The following ARHGAP10 variants were observed in gnomAD, a reference collection of about 807,000 sequenced individuals.
The protein encoded by ARHGAP10 is rho GTPase-activating protein 10.
ARHGAP10 carries 87 observed loss-of-function variants against 108.6 expected under a neutral mutation model. The observed-to-expected ratio is 0.80, with a 90% CI of 0.67 to 0.96. The LOEUF is 0.96. Ranked by LOEUF, ARHGAP10 falls within the 40% of genes least tolerant of loss-of-function variation. The pLI is 0.00. For synonymous variants in ARHGAP10, 347 were observed against 341.1 expected (o/e 1.02, Z -0.19); for missense variants, 939 against 954.5 (o/e 0.98, Z 0.21).
chr4:147,833,917 AAGG>A (rs1448217275), intron 3 of ARHGAP10, among the ~76,000 whole-genome samples: 1 of 152,184 alleles, frequency 6.6e-6, no homozygotes, highest in African/African-American at 2.4e-5. Flanking sequence ...CAGATAGAGG[AAGG>A]AGGAGTGACA....
At chr4:147,813,917 T>G (rs1186792394) in intron 1 of ARHGAP10, among the ~76,000 whole-genome samples, 1 of 152,234 alleles carries the variant, frequency 6.6e-6, no homozygotes, top group African/African-American at 2.4e-5. Context: ...CAATTTAAAG[T>G]GATATAAATT....
At chr4:147,896,033 G>A (rs1313943706) in intron 10 of ARHGAP10, among the ~76,000 whole-genome samples, 1 of 152,126 alleles carries the variant, frequency 6.6e-6, no homozygotes, top group Non-Finnish European at 1.5e-5. Flanking sequence ...ACTGAATTTT[G>A]TAAGTTAACC....
At chr4:147,766,448 T>C (rs1232752161) in intron 1 of ARHGAP10, among the ~76,000 whole-genome samples, 2 of 151,948 alleles carry the variant, frequency 1.3e-5, no homozygotes, top group African/African-American at 2.4e-5. Flanking sequence ...AAAGTCAGTA[T>C]GTAAGCAACC....
At chr4:148,061,439 A>G (rs923985387) in intron 20 of ARHGAP10, among the ~76,000 whole-genome samples, 6 of 152,058 alleles carry the variant, frequency 3.9e-5, no homozygotes, top group Non-Finnish European at 8.8e-5. Flanking sequence ...CTGATTAGTA[A>G]GACAACATTC....
Position 147,738,560 on chromosome 4 carries a change from C to CA in ARHGAP10, c.154+6113dup, listed in dbSNP as rs902447610. 1.1e-4 allele frequency among the ~76,000 whole-genome samples: 17 copies of CA among 150,184 alleles called. No individual in the cohort carries two copies. The East Asian group carries it at 1.2e-3, about 10-fold the overall frequency. On this transcript the variant is annotated intron_variant, in intron 1 of 22. Coordinates refer to ENST00000336498, the MANE Select transcript of ARHGAP10 (RefSeq NM_024605.4). Reference sequence around the variant, plus strand: ...TGAGTGAGACTCTGTCTCCCCCCCCCAAAAAAAATTATAATACGACCTACT... The same window carrying CA: ...TGAGTGAGACTCTGTCTCCCCCCCCCAAAAAAAAATTATAATACGACCTACT...
At chr4:147,903,243 C>T (rs1332836271) in intron 10 of ARHGAP10, among the ~76,000 whole-genome samples, 1 of 152,156 alleles carries the variant, frequency 6.6e-6, no homozygotes, top group African/African-American at 2.4e-5. Flanking sequence ...TGCTTTTGGT[C>T]TTCTATGCAC....
chr4:148,038,851 A>T (rs935290866), intron 19 of ARHGAP10, among the ~76,000 whole-genome samples: 1 of 152,168 alleles, frequency 6.6e-6, no homozygotes, highest in African/African-American at 2.4e-5. Flanking sequence ...ATGAATTTTG[A>T]TACAATTGCT....
At chr4:147,802,960 G>A (rs1049670436) in intron 1 of ARHGAP10, among the ~76,000 whole-genome samples, 2 of 151,938 alleles carry the variant, frequency 1.3e-5, no homozygotes, top group African/African-American at 4.8e-5. Context: ...TTTGGGGTCT[G>A]TAAATTCTAT....
intron 1 of ARHGAP10, among the ~76,000 whole-genome samples, chr4:147,792,976 A>G (rs1731174989): frequency 2.0e-5 from 3 of 152,102 alleles, no homozygotes; most frequent in Admixed American, 6.5e-5. Context: ...CGTCTCCACT[A>G]AAAATACAAA....
chr4:147,918,709 G>A (rs1007836937), intron 13 of ARHGAP10, among the ~76,000 whole-genome samples: 4 of 152,210 alleles, frequency 2.6e-5, no homozygotes, highest in Non-Finnish European at 5.9e-5. Context: ...GCCAGTTGGG[G>A]AAATTTAATT....
chr4:147,987,255 A>G (rs1326490121), intron 18 of ARHGAP10, among the ~76,000 whole-genome samples: 1 of 152,246 alleles, frequency 6.6e-6, no homozygotes, highest in Non-Finnish European at 1.5e-5. Flanking sequence ...ACATTAATAC[A>G]TATACTGTTG....
chr4:147,825,314 G>C (rs1048521537), intron 3 of ARHGAP10, among the ~76,000 whole-genome samples: 1 of 152,096 alleles, frequency 6.6e-6, no homozygotes, highest in Non-Finnish European at 1.5e-5. Flanking sequence ...GCTGGGTGTT[G>C]TGGGCACCTG....
intron 1 of ARHGAP10, among the ~76,000 whole-genome samples, chr4:147,772,004 A>G (rs951213841): frequency 6.6e-6 from 1 of 152,092 alleles, no homozygotes; most frequent in African/African-American, 2.4e-5. Flanking sequence ...GTTGGGCAGG[A>G]TGGTCTTGAT....
chr4:148,034,484 ATT>A (rs76525018), intron 19 of ARHGAP10, among the ~76,000 whole-genome samples: 12 of 139,096 alleles, frequency 8.6e-5, no homozygotes, highest in East Asian at 2.1e-4. Flanking sequence ...CTCCCGGCTA[ATT>A]TTTTTTTTTT....
At chr4:148,025,341 T>C (rs1741726653) in intron 19 of ARHGAP10, among the ~76,000 whole-genome samples, 1 of 152,202 alleles carries the variant, frequency 6.6e-6, no homozygotes, top group Non-Finnish European at 1.5e-5. Flanking sequence ...TATAGCTTTA[T>C]ATTCATCCTT....
At chr4:147,854,406 C>T (rs1458701260) in intron 4 of ARHGAP10, among the ~76,000 whole-genome samples, 1 of 152,172 alleles carries the variant, frequency 6.6e-6, no homozygotes, top group African/African-American at 2.4e-5. Context: ...ATCTGGTTTT[C>T]ATTGCCTACC....
chr4:147,768,905 A>G (rs574490961), intron 1 of ARHGAP10, among the ~76,000 whole-genome samples: 3 of 151,906 alleles, frequency 2.0e-5, no homozygotes, highest in Non-Finnish European at 4.4e-5. Flanking sequence ...TACCTGGCTA[A>G]TTTTGTATTT....
At chr4:147,753,483 A>G (rs927901974) in intron 1 of ARHGAP10, among the ~76,000 whole-genome samples, 2 of 150,062 alleles carry the variant, frequency 1.3e-5, no homozygotes, top group Non-Finnish European at 3.0e-5. Context: ...AGCTGGGGCT[A>G]TAGGTGTGCA....
In ARHGAP10 at chr4:147,732,724, C is replaced by T. The variant is rs573671125; in HGVS notation, c.154+269C>T. Among the ~76,000 whole-genome samples, 948 of 152,302 alleles carry T rather than the reference C, an allele frequency of 6.2e-3. 12 individuals are homozygous for T. Among genetic ancestry groups the T allele is most frequent in the African/African-American group, 0.022 (918 of 41,572 alleles). ...CGGGCCCCGCCTGGGCCCCGCCTGGCCCCGGCCGAACACCCCTCGCTGAAT... is the reference window on the plus strand; with the variant it reads ...CGGGCCCCGCCTGGGCCCCGCCTGGTCCCGGCCGAACACCCCTCGCTGAAT... On this transcript the variant is annotated intron_variant, in intron 1 of 22. Coordinates refer to ENST00000336498, the MANE Select transcript of ARHGAP10 (RefSeq NM_024605.4).
Sources: allele counts gnomAD v4.1 joint callset (sites outside exome capture counted in the v4.1 genomes callset), GRCh38; gene constraint gnomAD v4.1.1; transcripts MANE v1.5; gene names NCBI Gene and HGNC (gene_info 2026-07-23, HGNC 2026-07-21).